The following ARHGAP42 variants were observed in gnomAD, a reference collection of about 807,000 sequenced individuals.
ARHGAP42 encodes the protein rho GTPase-activating protein 42.
In ARHGAP42, 63 loss-of-function variants were observed where a neutral mutation model predicts 125.0. The ratio of observed to expected loss-of-function variants is 0.50; its 90% CI spans 0.41 to 0.62. The LOEUF (loss-of-function observed/expected upper bound fraction) is 0.62, where lower values mean the gene tolerates loss of function less well. ARHGAP42 is among the 20% of genes least tolerant of loss of function. The pLI, the probability that ARHGAP42 is intolerant of heterozygous loss-of-function variation, is 0.00. For missense variants in ARHGAP42, 766 were observed against 1,024.2 expected (o/e 0.75, Z 3.44); for synonymous variants, 339 against 351.0 (o/e 0.97, Z 0.38).
chr11:100,774,685 A>G (rs61890766), intron 2 of ARHGAP42, among the ~76,000 whole-genome samples: 27,922 of 152,070 alleles, frequency 0.18, 2,847 homozygotes, highest in Middle Eastern at 0.23. Context: ...ACAGTGGAAG[A>G]GGATAAAAAA....
intron 4 of ARHGAP42, among the ~76,000 whole-genome samples, chr11:100,906,126 G>C (rs927933572): frequency 6.6e-6 from 1 of 152,124 alleles, no homozygotes; most frequent in Non-Finnish European, 1.5e-5. Context: ...AGTTCCCTGT[G>C]ACTCTTAAAA....
At chr11:100,890,538 T>C (rs1413905179) in intron 4 of ARHGAP42, among the ~76,000 whole-genome samples, 2 of 152,204 alleles carry the variant, frequency 1.3e-5, no homozygotes, top group Non-Finnish European at 2.9e-5. Context: ...ACCCCAAAGA[T>C]AGTAAGTGGT....
At chr11:100,858,820 G>T (rs940844281) in intron 3 of ARHGAP42, among the ~76,000 whole-genome samples, 1 of 152,016 alleles carries the variant, frequency 6.6e-6, no homozygotes, top group Non-Finnish European at 1.5e-5. Flanking sequence ...TCTAAAGGCT[G>T]TTTTTTAAAT....
chr11:100,745,048 G>A (rs1308453731), intron 1 of ARHGAP42, among the ~76,000 whole-genome samples: 1 of 152,090 alleles, frequency 6.6e-6, no homozygotes, highest in Non-Finnish European at 1.5e-5. Flanking sequence ...TGAGTGGTTT[G>A]GTGGAATAAA....
Position 100,974,590 on chromosome 11 carries a change from G to C in ARHGAP42, c.1842G>C (p.Leu614=), listed in dbSNP as rs1304978287. 1 of 1,549,570 alleles carries C rather than the reference G, an allele frequency of 6.5e-7. No homozygotes were observed. Among genetic ancestry groups the C allele is most frequent in the Non-Finnish European group, 8.7e-7 (1 of 1,145,900 alleles). The part of the protein sequence containing the change: ...RKPRGRYTPC[L]AEPDSDSYSS... ...CCAGAGGGAGGTATACTCCATGCCTGGCCGAACCTGATAGTAAGTGCACCC... is the reference window on the plus strand; with the variant it reads ...CCAGAGGGAGGTATACTCCATGCCTCGCCGAACCTGATAGTAAGTGCACCC... The change falls in exon 19 of 24, where the codon CTG becomes CTC. Residue 614 remains leucine (L), a synonymous_variant. Coordinates refer to ENST00000298815, the MANE Select transcript of ARHGAP42 (RefSeq NM_152432.4).
intron 1 of ARHGAP42, among the ~76,000 whole-genome samples, chr11:100,726,013 A>G (rs1353578084): frequency 6.7e-6 from 1 of 149,398 alleles, no homozygotes; most frequent in East Asian, 2.0e-4. Flanking sequence ...TGGGAGGAGC[A>G]CTTCAGCCTT....
chr11:100,932,831 G>C (rs1009854593), intron 6 of ARHGAP42, among the ~76,000 whole-genome samples: 1 of 152,086 alleles, frequency 6.6e-6, no homozygotes, highest in African/African-American at 2.4e-5. Flanking sequence ...TTCTTCCAGG[G>C]TGGGATCTAT....
chr11:100,802,680 G>C (rs1863887678), intron 3 of ARHGAP42, among the ~76,000 whole-genome samples: 1 of 152,060 alleles, frequency 6.6e-6, no homozygotes, highest in African/African-American at 2.4e-5. Flanking sequence ...CACCCGCCTC[G>C]GTCTCCCAAA....
chr11:100,911,495 A>C (rs1176374359), intron 4 of ARHGAP42, among the ~76,000 whole-genome samples: 1 of 152,112 alleles, frequency 6.6e-6, no homozygotes, highest in Non-Finnish European at 1.5e-5. Flanking sequence ...GAATGTGTGG[A>C]AATTGGAAGA....
At chr11:100,970,698 T>C (rs1858218131) in intron 17 of ARHGAP42, among the ~76,000 whole-genome samples, 1 of 152,146 alleles carries the variant, frequency 6.6e-6, no homozygotes, top group Non-Finnish European at 1.5e-5. Flanking sequence ...TCTGTTCTTA[T>C]GGACTCTACC....
At chr11:100,955,982 C>A (rs1857794526) in intron 12 of ARHGAP42, among the ~76,000 whole-genome samples, 1 of 152,128 alleles carries the variant, frequency 6.6e-6, no homozygotes, top group African/African-American at 2.4e-5. Flanking sequence ...CTTGTGACTA[C>A]TTCATCCACA....
At chr11:100,703,569 A>G (rs1413313367) in intron 1 of ARHGAP42, among the ~76,000 whole-genome samples, 1 of 152,258 alleles carries the variant, frequency 6.6e-6, no homozygotes, top group East Asian at 1.9e-4. Flanking sequence ...CACTCAAATT[A>G]GATCTGCTTA....
intron 16 of ARHGAP42, 69 bp from the exon 17 acceptor site, chr11:100,965,602 T>A (rs1683732328): frequency 7.9e-7 from 1 of 1,258,088 alleles, no homozygotes; most frequent in Non-Finnish European, 1.1e-6. Context: ...GTGATTAGAT[T>A]ACTAATGTTT....
At chr11:100,965,612 T>C in intron 16 of ARHGAP42, 59 bp from the exon 17 acceptor site, 1 of 1,372,804 alleles carries the variant, frequency 7.3e-7, no homozygotes, top group Non-Finnish European at 1.0e-6. Flanking sequence ...TACTAATGTT[T>C]ACATACCCAA....
At chr11:100,765,938 A>C (rs1862818814) in intron 1 of ARHGAP42, among the ~76,000 whole-genome samples, 1 of 152,230 alleles carries the variant, frequency 6.6e-6, no homozygotes, top group Admixed American at 6.5e-5. Context: ...CAATTCCATT[A>C]ACACTTCCAA....
intron 6 of ARHGAP42, among the ~76,000 whole-genome samples, chr11:100,927,779 A>G (rs1198985472): frequency 2.0e-5 from 3 of 152,310 alleles, no homozygotes; most frequent in African/African-American, 7.2e-5. Flanking sequence ...AGGAATTCCA[A>G]TGACGCTTTT....
chr11:100,796,096 TTGA>T (rs1863704485), intron 3 of ARHGAP42, among the ~76,000 whole-genome samples: 1 of 152,212 alleles, frequency 6.6e-6, no homozygotes, highest in Non-Finnish European at 1.5e-5. Context: ...GTAACCTGCA[TTGA>T]GCAAGTCTGT....
At chr11:100,829,451 G>A (rs569572903) in intron 3 of ARHGAP42, among the ~76,000 whole-genome samples, 2 of 152,246 alleles carry the variant, frequency 1.3e-5, no homozygotes, top group South Asian at 4.2e-4. Flanking sequence ...AACTGGGTTG[G>A]AGATGTATTT....
chr11:100,744,220 C>T (rs374287504), intron 1 of ARHGAP42, among the ~76,000 whole-genome samples: 2 of 152,220 alleles, frequency 1.3e-5, no homozygotes, highest in East Asian at 1.9e-4. Flanking sequence ...CCACCCGCCT[C>T]AGCCTCCCAA....
Sources: allele counts gnomAD v4.1 joint callset (sites outside exome capture counted in the v4.1 genomes callset), GRCh38; gene constraint gnomAD v4.1.1; transcripts MANE v1.5; gene names NCBI Gene and HGNC (gene_info 2026-07-23, HGNC 2026-07-21).